The following LYPLAL1 variants were observed in gnomAD, a reference collection of about 807,000 sequenced individuals.
LYPLAL1 encodes the protein lysophospholipase-like protein 1.
In LYPLAL1, 23 loss-of-function variants were observed where a neutral mutation model predicts 19.7. The ratio of observed to expected loss-of-function variants is 1.17; its 90% confidence interval spans 0.84 to 1.65. LYPLAL1 has a LOEUF of 1.65. Ranked by LOEUF, LYPLAL1 falls within the 40% of genes most tolerant of loss-of-function variation. The pLI is 0.00. For synonymous variants in LYPLAL1, 119 were observed against 96.3 expected (o/e 1.24, Z -1.38); for missense variants, 355 against 279.4 (o/e 1.27, Z -1.93).
the LYPLAL1 span, among the ~76,000 whole-genome samples, chr1:219,330,827 C>T: frequency 1.3e-5 from 2 of 152,206 alleles, no homozygotes; most frequent in Admixed American, 6.5e-5. Flanking sequence ...CTGTGATCCA[C>T]CTGCTGAGAA....
At chr1:219,419,582 C>G in the LYPLAL1 span, among the ~76,000 whole-genome samples, 824 of 125,518 alleles carry the variant, frequency 6.6e-3, 14 homozygotes, top group African/African-American at 0.025. Context: ...CACACACACA[C>G]ACACACACAC....
chr1:219,395,571 T>C, the LYPLAL1 span, among the ~76,000 whole-genome samples: 2 of 152,174 alleles, frequency 1.3e-5, no homozygotes, highest in African/African-American at 4.8e-5. Flanking sequence ...GTAGGTTGTC[T>C]GTTTAAGATG....
chr1:219,179,300 A>G, intron 2 of LYPLAL1, 54 bp downstream of exon 2: 6 of 1,273,306 alleles, frequency 4.7e-6, no homozygotes, highest in Non-Finnish European at 5.7e-6. Context: ...TAAAATATAT[A>G]TAGAGAGATG....
chr1:219,403,999 G>A, the LYPLAL1 span, among the ~76,000 whole-genome samples: 1,802 of 152,222 alleles, frequency 0.012, 10 homozygotes, highest in Non-Finnish European at 0.019. Context: ...GTTGATTCCT[G>A]GTGAGGGCTT....
the LYPLAL1 span, among the ~76,000 whole-genome samples, chr1:219,415,237 A>G: frequency 6.6e-6 from 1 of 152,242 alleles, no homozygotes; most frequent in Non-Finnish European, 1.5e-5. Flanking sequence ...CATAGAACCC[A>G]GGAAACAGTG....
At chr1:219,375,040 C>A in the LYPLAL1 span, among the ~76,000 whole-genome samples, 4 of 152,198 alleles carry the variant, frequency 2.6e-5, no homozygotes, top group Non-Finnish European at 5.9e-5. Flanking sequence ...GCGCATCAGG[C>A]AACAGACCTA....
chr1:219,232,106 A>C, the LYPLAL1 span, among the ~76,000 whole-genome samples: 3 of 152,106 alleles, frequency 2.0e-5, no homozygotes, highest in Non-Finnish European at 2.9e-5. Flanking sequence ...TCTACATTTT[A>C]TTATCTTAGC....
chr1:219,440,141 A>G, the LYPLAL1 span, among the ~76,000 whole-genome samples: 1 of 151,076 alleles, frequency 6.6e-6, no homozygotes, highest in African/African-American at 2.4e-5. Context: ...TGCTATTGGA[A>G]TTGTTATTTT....
chr1:219,391,247 A>G, the LYPLAL1 span, among the ~76,000 whole-genome samples: 1 of 152,144 alleles, frequency 6.6e-6, no homozygotes, highest in Non-Finnish European at 1.5e-5. Flanking sequence ...ATGGACTGCT[A>G]TCGTTTTCCT....
At chr1:219,183,935 G>A (rs956487724) in intron 2 of LYPLAL1, among the ~76,000 whole-genome samples, 4 of 151,754 alleles carry the variant, frequency 2.6e-5, no homozygotes, top group Non-Finnish European at 1.5e-5. Context: ...TTCTTATCTA[G>A]ACTCTATTCC....
chr1:219,250,513 T>G, the LYPLAL1 span, among the ~76,000 whole-genome samples: 3 of 151,952 alleles, frequency 2.0e-5, no homozygotes, highest in Admixed American at 1.3e-4. Flanking sequence ...GTTACATAGG[T>G]AAACATGTGT....
At chr1:219,274,076 A>G in the LYPLAL1 span, among the ~76,000 whole-genome samples, 1 of 152,112 alleles carries the variant, frequency 6.6e-6, no homozygotes, top group Non-Finnish European at 1.5e-5. Context: ...GTGTTTTATA[A>G]AGTTTTGCTG....
the LYPLAL1 span, among the ~76,000 whole-genome samples, chr1:219,245,336 T>A: frequency 6.6e-6 from 1 of 152,130 alleles, no homozygotes. Flanking sequence ...TTAGAATTGC[T>A]TAAACAGGCT....
chr1:219,251,330 G>C, the LYPLAL1 span, among the ~76,000 whole-genome samples: 1 of 151,926 alleles, frequency 6.6e-6, no homozygotes, highest in African/African-American at 2.4e-5. Flanking sequence ...CATTGCAATT[G>C]CTTTTGGTGT....
the LYPLAL1 span, among the ~76,000 whole-genome samples, chr1:219,259,419 A>C: frequency 6.9e-6 from 1 of 144,982 alleles, no homozygotes; most frequent in East Asian, 1.9e-4. Flanking sequence ...ATATATATAT[A>C]TATATATATA....
chr1:219,438,055 C>A, the LYPLAL1 span, among the ~76,000 whole-genome samples: 3 of 152,184 alleles, frequency 2.0e-5, no homozygotes, highest in African/African-American at 7.2e-5. Flanking sequence ...ACGTGAGCCA[C>A]CACACCCAGC....
chr1:219,302,539 G>A, the LYPLAL1 span, among the ~76,000 whole-genome samples: 1 of 152,168 alleles, frequency 6.6e-6, no homozygotes, highest in Non-Finnish European at 1.5e-5. Context: ...CAGAGAGGTT[G>A]TGAATCTAGG....
At chr1:219,306,475 A>G in the LYPLAL1 span, among the ~76,000 whole-genome samples, 1 of 152,130 alleles carries the variant, frequency 6.6e-6, no homozygotes, top group Admixed American at 6.5e-5. Flanking sequence ...TTAGTTGAAG[A>G]CCTTAATAGA....
chr1:219,387,652 C>T, the LYPLAL1 span, among the ~76,000 whole-genome samples: 2 of 152,164 alleles, frequency 1.3e-5, no homozygotes, highest in Non-Finnish European at 2.9e-5. Flanking sequence ...GTCTTCAACA[C>T]CTGAAATGTT....
Sources: allele counts gnomAD v4.1 joint callset (sites outside exome capture counted in the v4.1 genomes callset), GRCh38; gene constraint gnomAD v4.1.1; transcripts MANE v1.5; gene names NCBI Gene and HGNC (gene_info 2026-07-23, HGNC 2026-07-21).